Variants in MSI2 observed in about 807,000 individuals in gnomAD.
MSI2 encodes the protein RNA-binding protein Musashi homolog 2.
A neutral mutation model predicts 45.6 loss-of-function variants in MSI2; 17 were observed. The ratio of observed to expected loss-of-function variants is 0.37; its 90% CI spans 0.26 to 0.56. The LOEUF is 0.56. Ranked by LOEUF, MSI2 falls within the 20% of genes least tolerant of loss-of-function variation. The pLI is 0.77. For synonymous variants in MSI2, 156 were observed against 158.2 expected (o/e 0.99, Z 0.11); for missense variants, 293 against 444.2 (o/e 0.66, Z 3.06).
intron 6 of MSI2, among the ~76,000 whole-genome samples, chr17:57,410,732 A>C (rs989542650): frequency 1.5e-4 from 23 of 152,208 alleles, no homozygotes; most frequent in African/African-American, 4.6e-4. Context: ...GTCGCTAACC[A>C]TCTTTTATAA....
intron 6 of MSI2, among the ~76,000 whole-genome samples, chr17:57,433,910 G>C (rs2084645531): frequency 6.6e-6 from 1 of 152,096 alleles, no homozygotes; most frequent in Non-Finnish European, 1.5e-5. Flanking sequence ...TTTTGGTGGG[G>C]AAATACAATG....
intron 6 of MSI2, among the ~76,000 whole-genome samples, chr17:57,471,723 T>C (rs2085441982): frequency 6.6e-6 from 1 of 152,030 alleles, no homozygotes; most frequent in African/African-American, 2.4e-5. Flanking sequence ...GCCTGCGTGC[T>C]GCCCCCAGCC....
rs147882789 is a variant in MSI2 at position 57,464,201 on chromosome 17, G to A, written c.405+62730G>A. 5.5e-3 allele frequency among the ~76,000 whole-genome samples: 844 copies of A among 152,208 alleles called. 2 individuals are homozygous for A. The highest frequency in any genetic ancestry group is 8.9e-3 in the Non-Finnish European group (603 of 67,994). On this transcript the variant is annotated intron_variant, in intron 6 of 13. Coordinates refer to ENST00000284073, the MANE Select transcript of MSI2 (RefSeq NM_138962.4). ...CTCACGCTTGTAATTCCGGCACTTCGGGAGGCTGAGGCAGATGGATCACTT... is the reference window on the plus strand; with the variant it reads ...CTCACGCTTGTAATTCCGGCACTTCAGGAGGCTGAGGCAGATGGATCACTT...
intron 6 of MSI2, among the ~76,000 whole-genome samples, chr17:57,406,539 G>GTAA (rs2143145770): frequency 6.6e-6 from 1 of 152,310 alleles, no homozygotes; most frequent in African/African-American, 2.4e-5. Context: ...AGCTCGCTAG[G>GTAA]TAATTCTCGC....
chr17:57,532,212 T>C (rs1452017870), intron 7 of MSI2: 1 of 152,198 alleles, frequency 6.6e-6, no homozygotes, highest in African/African-American at 2.4e-5. Context: ...CTCTAAAATG[T>C]GTGGAGCCCA....
At chr17:57,377,021 T>C (rs1014578740) in intron 5 of MSI2, among the ~76,000 whole-genome samples, 159 of 151,798 alleles carry the variant, frequency 1.0e-3, no homozygotes, top group African/African-American at 2.9e-3. Flanking sequence ...CCTGGGTTCA[T>C]GCCATTCTCC....
rs117116234 is a variant in MSI2 at position 57,542,499 on chromosome 17, C to T, written c.454+12775C>T. On this transcript the variant is annotated intron_variant, in intron 7 of 13. Transcript: ENST00000284073. ...GTCATGTTAGATGTTGGAATTGGATCGATGGTTTCCAACCTGGTTGTACAC... is the reference window on the plus strand; with the variant it reads ...GTCATGTTAGATGTTGGAATTGGATTGATGGTTTCCAACCTGGTTGTACAC... Among the ~76,000 whole-genome samples the T allele has an allele frequency of 5.4e-3, 819 of 152,278 alleles. 3 individuals are homozygous for T. The highest frequency in any genetic ancestry group is 0.021 in the Middle Eastern group (6 of 292).
intron 6 of MSI2, among the ~76,000 whole-genome samples, chr17:57,414,537 C>T (rs1041973349): frequency 6.6e-6 from 1 of 152,062 alleles, no homozygotes; most frequent in Non-Finnish European, 1.5e-5. Flanking sequence ...TTATAGGCGC[C>T]TGTCACCACG....
chr17:57,554,025 C>T (rs907354553), intron 7 of MSI2, among the ~76,000 whole-genome samples: 2 of 152,120 alleles, frequency 1.3e-5, no homozygotes, highest in Non-Finnish European at 2.9e-5. Context: ...TTATGGGCTC[C>T]CTAACTAGAG....
chr17:57,551,594 A>G (rs114934850), intron 7 of MSI2, among the ~76,000 whole-genome samples: 1,892 of 152,216 alleles, frequency 0.012, 18 homozygotes, highest in South Asian at 0.027. Context: ...TCATGCATGT[A>G]CACACACTGG....
intron 5 of MSI2, among the ~76,000 whole-genome samples, chr17:57,313,751 G>A (rs9892068): frequency 0.017 from 2,586 of 152,316 alleles, 65 homozygotes; most frequent in African/African-American, 0.053. Flanking sequence ...TACCGTATAA[G>A]GTGCTAGGCA....
At chr17:57,356,485 C>G (rs899966884) in intron 5 of MSI2, among the ~76,000 whole-genome samples, 2 of 152,112 alleles carry the variant, frequency 1.3e-5, no homozygotes, top group African/African-American at 4.8e-5. Flanking sequence ...GAAGAAAGAA[C>G]AACACAGTAT....
chr17:57,668,455 A>G (rs1912535732), intron 11 of MSI2, among the ~76,000 whole-genome samples: 1 of 152,212 alleles, frequency 6.6e-6, no homozygotes, highest in Non-Finnish European at 1.5e-5. Flanking sequence ...ACAGGCCAAC[A>G]TTAACCAGTA....
At position 57,527,108 on chromosome 17, in the gene MSI2, G is replaced by A. The variant is rs983283914; in HGVS notation, c.406-2568G>A. On this transcript the variant is annotated intron_variant, in intron 6 of 13. Transcript: ENST00000284073. ...ATTTCCTAAGGGAATCTGAGTCCCA[G>A]TACCAAAACATGGCCAGCACAGAAG... 1.2e-4 allele frequency among the ~76,000 whole-genome samples: 18 copies of A among 152,292 alleles called. No homozygotes were observed. In the East Asian group the frequency reaches 2.7e-3, roughly 23 times the overall value.
chr17:57,302,399 G>A (rs892548400), intron 5 of MSI2, among the ~76,000 whole-genome samples: 9 of 152,220 alleles, frequency 5.9e-5, no homozygotes, highest in African/African-American at 2.2e-4. Context: ...TGTGTGCCAC[G>A]GTGTGCCCGG....
chr17:57,682,402 A>G lies in MSI2; in HGVS notation c.*2885A>G, dbSNP rs1913667774. On this transcript the variant is annotated 3_prime_UTR_variant, in exon 14 of 14. Coordinates refer to ENST00000284073, the MANE Select transcript of MSI2 (RefSeq NM_138962.4). ...ATGCAAAACTGGATTTTTTTAATTT[A>G]TTTTTTAAAAGAGGGAGGCATGGTA... 7.0e-6 allele frequency: 1 copy of G among 142,450 alleles called. No homozygotes were observed. Among genetic ancestry groups the G allele is most frequent in the Non-Finnish European group, 1.4e-5 (1 of 71,020 alleles). 8.8% of individuals were successfully genotyped at this position (142,450 alleles called of 1,614,324 possible). A position where few individuals can be genotyped will look rare whatever the true frequency, so the allele number is the denominator to read the frequency against.
chr17:57,278,646 C>G (rs985526507), intron 5 of MSI2: 5 of 153,048 alleles, frequency 3.3e-5, no homozygotes, highest in Non-Finnish European at 5.8e-5. Flanking sequence ...CCACTGCCCC[C>G]CCAACCCCTT....
At chr17:57,557,716 C>G (rs2087470599) in intron 7 of MSI2, among the ~76,000 whole-genome samples, 1 of 152,162 alleles carries the variant, frequency 6.6e-6, no homozygotes, top group Non-Finnish European at 1.5e-5. Context: ...GAATGGGGAG[C>G]AGAGGTTTCG....
chr17:57,395,023 C>G (rs1475720436), intron 5 of MSI2, among the ~76,000 whole-genome samples: 1 of 152,178 alleles, frequency 6.6e-6, no homozygotes, highest in African/African-American at 2.4e-5. Context: ...TCTGGAGGCT[C>G]CATGGGAAAA....
Sources: gnomAD v4.1 joint callset for allele counts (sites outside exome capture counted in the v4.1 genomes callset) on GRCh38, gnomAD v4.1.1 for gene constraint, MANE v1.5 for transcripts, NCBI Gene and HGNC (gene_info 2026-07-23, HGNC 2026-07-21) for gene names.